Variants in CSMD1 observed in about 807,000 individuals in gnomAD.
CSMD1 encodes the protein CUB and Sushi multiple domains 1.
Under a neutral mutation model 417.5 loss-of-function variants are expected in CSMD1, and 213 were observed. The ratio of observed to expected loss-of-function variants is 0.51; its 90% confidence interval spans 0.46 to 0.57. The LOEUF (loss-of-function observed/expected upper bound fraction) is 0.57, where lower values mean the gene tolerates loss of function less well. CSMD1 is among the 20% of genes least tolerant of loss of function. The pLI is 0.00. For missense variants in CSMD1, 6,923 were observed against 4,529.7 expected (o/e 1.53, Z -15.17); for synonymous variants, 2,862 against 1,736.8 (o/e 1.65, Z -16.11).
chr8:4,465,177 G>T (rs952999607), intron 2 of CSMD1, among the ~76,000 whole-genome samples: 1 of 152,266 alleles, frequency 6.6e-6, no homozygotes, highest in Middle Eastern at 3.4e-3. Context: ...TCACCAGAGG[G>T]AATAGGAAGT....
At chr8:3,742,192 G>A (rs1283366245) in intron 6 of CSMD1, among the ~76,000 whole-genome samples, 2 of 152,040 alleles carry the variant, frequency 1.3e-5, no homozygotes, top group African/African-American at 4.8e-5. Context: ...CCACCATTAA[G>A]GAGAAGTGAT....
chr8:3,587,700 AC>A (rs1209325350), intron 8 of CSMD1, among the ~76,000 whole-genome samples: 1 of 152,158 alleles, frequency 6.6e-6, no homozygotes, highest in East Asian at 1.9e-4. Flanking sequence ...TTCTAGGTAA[AC>A]AAAATTAAAC....
chr8:3,366,941 T>TAC (rs143255259), intron 20 of CSMD1, 91 bp downstream of exon 20: 703 of 930,514 alleles, frequency 7.6e-4, no homozygotes, highest in Middle Eastern at 1.8e-3. Context: ...ATGCACACAT[T>TAC]ACACACACAC....
At chr8:4,898,245 C>G (rs995362993) in intron 1 of CSMD1, among the ~76,000 whole-genome samples, 35 of 152,080 alleles carry the variant, frequency 2.3e-4, no homozygotes, top group Non-Finnish European at 3.4e-4. Flanking sequence ...CATCGGGGTG[C>G]TTAGATGACT....
chr8:4,461,623 C>T (rs1799825089), intron 2 of CSMD1, among the ~76,000 whole-genome samples: 1 of 151,890 alleles, frequency 6.6e-6, no homozygotes, highest in Non-Finnish European at 1.5e-5. Context: ...CAATCTCAGC[C>T]CACTGCATCG....
chr8:4,204,940 G>C (rs1043170851), intron 3 of CSMD1, among the ~76,000 whole-genome samples: 1 of 152,072 alleles, frequency 6.6e-6, no homozygotes, highest in African/African-American at 2.4e-5. Flanking sequence ...GATTACAAAT[G>C]TGAGCCACTG....
chr8:4,263,077 G>C (rs1309941699), intron 3 of CSMD1, among the ~76,000 whole-genome samples: 3 of 152,062 alleles, frequency 2.0e-5, no homozygotes, highest in Admixed American at 6.6e-5. Context: ...CTTTTAATGA[G>C]ATATATTAAT....
chr8:4,532,475 A>G lies in CSMD1; in HGVS notation c.302+104867T>C, dbSNP rs546871148. On this transcript the variant is annotated intron_variant, in intron 2 of 69. Coordinates refer to ENST00000635120, the MANE Select transcript of CSMD1 (RefSeq NM_033225.6). Reference sequence around the variant, plus strand: ...GAAGAGAAATCCTGCACCCCCATTCACAGTCACTCCGGAAGAGAAATCCCG... The same window carrying G: ...GAAGAGAAATCCTGCACCCCCATTCGCAGTCACTCCGGAAGAGAAATCCCG... Among the ~76,000 whole-genome samples the G allele has an allele frequency of 2.9e-5, 4 of 138,236 alleles. No individual in the cohort carries two copies. In the South Asian group the frequency reaches 9.6e-4, roughly 33 times the overall value. 90.7% of individuals were successfully genotyped at this position (138,236 alleles called of 152,430 possible). A position where few individuals can be genotyped will look rare whatever the true frequency, so the allele number is the denominator to read the frequency against.
chr8:4,112,429 A>G (rs1206438762), intron 3 of CSMD1, among the ~76,000 whole-genome samples: 2 of 152,208 alleles, frequency 1.3e-5, no homozygotes, highest in African/African-American at 2.4e-5. Flanking sequence ...TTTAATAAGT[A>G]AAAGAGGATG....
At chr8:3,402,723 T>C (rs1215596743) in intron 15 of CSMD1, among the ~76,000 whole-genome samples, 1 of 152,228 alleles carries the variant, frequency 6.6e-6, no homozygotes, top group Non-Finnish European at 1.5e-5. Context: ...TAGTTCTTTT[T>C]ATCAGAATCA....
At chr8:4,462,596 G>A (rs1020942741) in intron 2 of CSMD1, among the ~76,000 whole-genome samples, 3 of 152,046 alleles carry the variant, frequency 2.0e-5, no homozygotes, top group Non-Finnish European at 4.4e-5. Context: ...GCACTTTCTA[G>A]GAAACCGCAT....
At chr8:3,361,452 C>A (rs4639539) in intron 20 of CSMD1, among the ~76,000 whole-genome samples, 36,734 of 151,390 alleles carry the variant, frequency 0.24, 4,637 homozygotes, top group African/African-American at 0.31. Flanking sequence ...CACGGTGAAA[C>A]CCTGTCTTTA....
chr8:4,720,395 T>C (rs1808975376), intron 1 of CSMD1, among the ~76,000 whole-genome samples: 1 of 152,120 alleles, frequency 6.6e-6, no homozygotes, highest in South Asian at 2.1e-4. Context: ...TGCAAAACTA[T>C]CAGCTACTAC....
intron 37 of CSMD1, among the ~76,000 whole-genome samples, chr8:3,177,813 G>T (rs551563079): frequency 6.6e-6 from 1 of 152,100 alleles, no homozygotes; most frequent in Non-Finnish European, 1.5e-5. Context: ...ACACCTTGAG[G>T]TCAGGCTTTG....
chr8:4,635,861 C>T (rs977282074), intron 2 of CSMD1, among the ~76,000 whole-genome samples: 1 of 151,968 alleles, frequency 6.6e-6, no homozygotes, highest in East Asian at 1.9e-4. Context: ...GAAAGCTTAC[C>T]TGTTTCAGAA....
chr8:4,889,870 CAG>C (rs1731270546), intron 1 of CSMD1, among the ~76,000 whole-genome samples: 1 of 152,076 alleles, frequency 6.6e-6, no homozygotes, highest in South Asian at 2.1e-4. Context: ...GATGATGAAA[CAG>C]AGAATCAAAA....
At chr8:2,994,430 T>A (rs1585111713) in intron 54 of CSMD1, among the ~76,000 whole-genome samples, 1 of 152,174 alleles carries the variant, frequency 6.6e-6, no homozygotes, top group Admixed American at 6.5e-5. Context: ...AGGACGCAGG[T>A]GCTGATGTCA....
At chr8:4,756,193 GATCT>G (rs1418642913) in intron 1 of CSMD1, among the ~76,000 whole-genome samples, 2 of 152,098 alleles carry the variant, frequency 1.3e-5, no homozygotes, top group African/African-American at 2.4e-5. Flanking sequence ...GAAAACTGTT[GATCT>G]ATTTAACATC....
At chr8:3,792,898 A>C (rs184278547) in intron 5 of CSMD1, among the ~76,000 whole-genome samples, 7,854 of 152,220 alleles carry the variant, frequency 0.052, 411 homozygotes, top group African/African-American at 0.13. Context: ...CATCTAACCT[A>C]CCTGAGATTT....
Sources: allele counts gnomAD v4.1 joint callset (sites outside exome capture counted in the v4.1 genomes callset), GRCh38; gene constraint gnomAD v4.1.1; transcripts MANE v1.5; gene names NCBI Gene and HGNC (gene_info 2026-07-23, HGNC 2026-07-21).